The following KCTD1 variants were observed in gnomAD, a reference collection of about 807,000 sequenced individuals.
The protein encoded by KCTD1 is potassium channel tetramerization domain containing 1, also known as BTB/POZ domain-containing protein KCTD1.
Under a neutral mutation model 66.0 loss-of-function variants are expected in KCTD1, and 24 were observed. That is an observed-to-expected ratio of 0.36 (90% CI 0.26 to 0.51). The LOEUF (loss-of-function observed/expected upper bound fraction) is 0.51. Among genes scored for constraint, KCTD1 ranks in the 20% least tolerant of loss-of-function variants. KCTD1 has a pLI of 0.95. For synonymous variants in KCTD1, 511 were observed against 517.2 expected (o/e 0.99, Z 0.16); for missense variants, 943 against 1,205.2 (o/e 0.78, Z 3.22).
At chr18:26,656,041 G>A (rs959863758) in intron 1 of KCTD1, among the ~76,000 whole-genome samples, 2 of 152,140 alleles carry the variant, frequency 1.3e-5, no homozygotes, top group Non-Finnish European at 2.9e-5. Flanking sequence ...GAGTGGGTAG[G>A]GGGGCGGCGG....
intron 1 of KCTD1, among the ~76,000 whole-genome samples, chr18:26,577,183 G>A (rs927871364): frequency 6.6e-6 from 1 of 152,118 alleles, no homozygotes; most frequent in Non-Finnish European, 1.5e-5. Flanking sequence ...TGTGTGCTTT[G>A]TGGATGTTAG....
intron 1 of KCTD1, among the ~76,000 whole-genome samples, chr18:26,606,710 C>T (rs951926627): frequency 3.9e-5 from 6 of 152,188 alleles, no homozygotes; most frequent in Non-Finnish European, 2.9e-5. Flanking sequence ...ACCTGCTGGC[C>T]GACCTCAGCT....
At chr18:26,550,357 G>T (rs1276349559), upstream of KCTD1, among the ~76,000 whole-genome samples, 1 of 151,670 alleles carries the variant, frequency 6.6e-6, no homozygotes, top group Non-Finnish European at 1.5e-5. The surrounding 1 kb of genome is among the most constrained non-coding windows in gnomAD (Gnocchi z 5.4). Context: ...AAGAAAGAAT[G>T]AAAGACCAGG....
chr18:26,522,481 T>G (rs139928809), intron 1 of KCTD1, among the ~76,000 whole-genome samples: 105 of 152,318 alleles, frequency 6.9e-4, no homozygotes, highest in African/African-American at 2.4e-3. Context: ...CCTTCAGAAC[T>G]GTGAGACAAT....
intron 1 of KCTD1, among the ~76,000 whole-genome samples, chr18:26,501,636 G>A (rs997137430): frequency 3.9e-5 from 6 of 152,278 alleles, no homozygotes; most frequent in African/African-American, 1.4e-4. Context: ...AATAAAATGC[G>A]TATGAGTTAG....
intron 1 of KCTD1, among the ~76,000 whole-genome samples, chr18:26,564,154 CCATT>C (rs1985927891): frequency 6.6e-6 from 1 of 151,894 alleles, no homozygotes; most frequent in African/African-American, 2.4e-5. Context: ...CTCCGTGTAT[CCATT>C]CATTTTTTGC....
intron 1 of KCTD1, among the ~76,000 whole-genome samples, chr18:26,511,340 G>T (rs1386030592): frequency 6.6e-6 from 1 of 152,154 alleles, no homozygotes; most frequent in Non-Finnish European, 1.5e-5. Flanking sequence ...GAAAGACAGG[G>T]GCAGTCGCCT....
At chr18:26,554,184 A>G (rs74855593) in intron 1 of KCTD1, among the ~76,000 whole-genome samples, 8,530 of 146,904 alleles carry the variant, frequency 0.058, 534 homozygotes, top group East Asian at 0.091. Context: ...AGAAGGAAGG[A>G]AAAAAGAAAG....
At chr18:26,506,663 G>A (rs1983053262) in intron 1 of KCTD1, among the ~76,000 whole-genome samples, 1 of 152,166 alleles carries the variant, frequency 6.6e-6, no homozygotes, top group Non-Finnish European at 1.5e-5. Context: ...AATAAATGAA[G>A]CCCACCATAA....
intron 1 of KCTD1, among the ~76,000 whole-genome samples, chr18:26,520,063 A>G (rs149642311): frequency 2.0e-5 from 3 of 152,376 alleles, no homozygotes; most frequent in African/African-American, 7.2e-5. Context: ...TAATCCCGTA[A>G]CACAGGACTA....
chr18:26,639,401 G>A (rs1229024118), intron 1 of KCTD1, among the ~76,000 whole-genome samples: 2 of 152,082 alleles, frequency 1.3e-5, no homozygotes, highest in Non-Finnish European at 2.9e-5. Context: ...TATCTTGTAG[G>A]CAGTGGGAGG....
intron 2 of KCTD1, among the ~76,000 whole-genome samples, chr18:26,487,513 G>T (rs1423900595): frequency 2.0e-5 from 3 of 152,160 alleles, no homozygotes; most frequent in Admixed American, 1.3e-4. Flanking sequence ...AATTTATGTC[G>T]CAAGCTTATT....
At position 26,544,778 on chromosome 18, in the gene KCTD1, T is replaced by C. The variant is rs556827996; in HGVS notation, c.1809+1950A>G. 4 of 152,328 alleles carry C rather than the reference T, an allele frequency of 2.6e-5. No homozygotes were observed. The South Asian group carries it at 8.3e-4, about 32-fold the overall frequency. The allele number at this position is 152,328 out of a possible 1,614,324, so 9.4% of individuals were successfully genotyped here. A position where few individuals can be genotyped will look rare whatever the true frequency, so the allele number is the denominator to read the frequency against. On this transcript the variant is annotated intron_variant, in intron 1 of 4. Transcript: ENST00000580059. ...CAATACTTCGACTGCTCAGACTTCA[T>C]AAGTGAAAAGCTGACTACTAAAAAT... is the stretch of plus-strand genomic sequence containing the variant.
At chr18:26,526,297 C>T (rs977316476) in intron 1 of KCTD1, among the ~76,000 whole-genome samples, 1 of 152,188 alleles carries the variant, frequency 6.6e-6, no homozygotes, top group Non-Finnish European at 1.5e-5. Context: ...GCACAATGAA[C>T]CTCCCTGGGC....
chr18:26,581,916 A>G (rs1170175371), intron 1 of KCTD1, among the ~76,000 whole-genome samples: 1 of 152,152 alleles, frequency 6.6e-6, no homozygotes, highest in Non-Finnish European at 1.5e-5. Flanking sequence ...GAAATCACCA[A>G]GGGCCTATTA....
At chr18:26,479,598 A>G (rs528863568) in intron 2 of KCTD1, among the ~76,000 whole-genome samples, 5 of 152,394 alleles carry the variant, frequency 3.3e-5, no homozygotes, top group African/African-American at 1.2e-4. Flanking sequence ...GCGGAGGCAC[A>G]GGCCTGGCGG....
chr18:26,547,064 G>A lies in KCTD1; in HGVS notation c.1473C>T (p.His491=), dbSNP rs1598933694. The A allele has an allele frequency of 1.3e-6, 2 of 1,515,398 alleles. No homozygotes were observed. Among genetic ancestry groups the A allele is most frequent in the East Asian group, 2.5e-5 (1 of 40,498 alleles). 93.9% of individuals were successfully genotyped at this position (1,515,398 alleles called of 1,614,324 possible). A position where few individuals can be genotyped will look rare whatever the true frequency, so the allele number is the denominator to read the frequency against. ...AEALNGAARH[H]SHHPPTHPSH... is the part of the protein sequence containing the mutation. ...AGGGATGGGTGGGGGGGTGGTGGGA[G>A]TGGTGCCGTGCCGCCCCGTTCAGAG... is the stretch of plus-strand genomic sequence containing the variant. The change falls in exon 1 of 5, where the codon CAC becomes CAT. Residue 491 remains histidine, a synonymous_variant. Coordinates refer to ENST00000580059, the MANE Select transcript of KCTD1 (RefSeq NM_001142730.3).
intron 1 of KCTD1, among the ~76,000 whole-genome samples, chr18:26,627,969 C>A (rs1987538692): frequency 6.6e-6 from 1 of 152,206 alleles, no homozygotes; most frequent in South Asian, 2.1e-4. Flanking sequence ...CAGGGATCTG[C>A]AGGCTGCCGG....
chr18:26,596,347 A>G (rs1230706588), intron 1 of KCTD1, among the ~76,000 whole-genome samples: 1 of 152,210 alleles, frequency 6.6e-6, no homozygotes, highest in East Asian at 1.9e-4. Context: ...GATCATCTAC[A>G]AGACAGAAAG....
Sources: allele counts gnomAD v4.1 joint callset (sites outside exome capture counted in the v4.1 genomes callset), GRCh38; gene constraint gnomAD v4.1.1; non-coding constraint Gnocchi (gnomAD v3.1); transcripts MANE v1.5; gene names NCBI Gene and HGNC (gene_info 2026-07-23, HGNC 2026-07-21).